TRIM71: variants seen among roughly 807,000 people sequenced by gnomAD.
The protein encoded by TRIM71 is tripartite motif containing 71.
A neutral mutation model predicts 61.2 loss-of-function variants in TRIM71; 9 were observed. The ratio of observed to expected loss-of-function variants is 0.15; its 90% CI spans 0.09 to 0.26. The LOEUF is 0.26. Ranked by LOEUF, TRIM71 falls within the 10% of genes least tolerant of loss-of-function variation. TRIM71 has a pLI of 1.00. For synonymous variants in TRIM71, 645 were observed against 553.2 expected, an observed-to-expected ratio of 1.17 and a Z score of -2.33; for missense variants, 998 against 1,238.7, an observed-to-expected ratio of 0.81 and a Z score of 2.92.
At chr3:32,823,690 T>G (rs368536803) in intron 1 of TRIM71, among the ~76,000 whole-genome samples, 3 of 145,262 alleles carry the variant, frequency 2.1e-5, no homozygotes, top group Non-Finnish European at 3.0e-5. Context: ...GAGGCGGAGG[T>G]TGCAGTGAGC....
chr3:32,845,534 G>A (rs1222184077), intron 1 of TRIM71, among the ~76,000 whole-genome samples: 1 of 152,130 alleles, frequency 6.6e-6, no homozygotes, highest in East Asian at 1.9e-4. Flanking sequence ...TACTCTGGGG[G>A]TTACTCACAG....
intron 1 of TRIM71, among the ~76,000 whole-genome samples, chr3:32,858,519 T>A (rs765249836): frequency 6.6e-6 from 1 of 152,176 alleles, no homozygotes; most frequent in Non-Finnish European, 1.5e-5. Context: ...AAGAGCTGTC[T>A]CTAAAACAGA....
chr3:32,833,184 T>TTA (rs1205034641), intron 1 of TRIM71, among the ~76,000 whole-genome samples: 4 of 54,428 alleles, frequency 7.3e-5, no homozygotes, highest in African/African-American at 2.7e-4. Context: ...ACTCTGTCTT[T>TTA]AAAAAAAAAA....
rs776918360 is a variant in TRIM71, at chr3:32,897,670, T to C, written c.*5859T>C. Reference sequence around the variant, plus strand: ...TAACAGGCTTCTGAATGTATCACTGTGGTCCACAGAGAAGGCTGGAGGAGG... The same window carrying C: ...TAACAGGCTTCTGAATGTATCACTGCGGTCCACAGAGAAGGCTGGAGGAGG... On this transcript the variant is annotated 3_prime_UTR_variant, in exon 4 of 4. Transcript: ENST00000383763. 5.3e-5 allele frequency: 8 copies of C among 152,240 alleles called. No homozygotes were observed. Among genetic ancestry groups the C allele is most frequent in the African/African-American group, 7.2e-5 (3 of 41,464 alleles). The allele number at this position is 152,240 out of a possible 1,614,324, so 9.4% of individuals were successfully genotyped here. A position where few individuals can be genotyped will look rare whatever the true frequency, so the allele number is the denominator to read the frequency against.
intron 1 of TRIM71, among the ~76,000 whole-genome samples, chr3:32,823,791 A>G (rs2125673755): frequency 6.7e-6 from 1 of 148,206 alleles, no homozygotes; most frequent in East Asian, 2.3e-4. Context: ...AATCTTCCTA[A>G]AAGTGTTTGA....
At chr3:32,834,083 G>C (rs936401883) in intron 1 of TRIM71, among the ~76,000 whole-genome samples, 6 of 152,170 alleles carry the variant, frequency 3.9e-5, no homozygotes, top group African/African-American at 1.4e-4. Context: ...AAAAACCACA[G>C]CTCTGTTCAG....
chr3:32,848,466 T>C (rs775816452), intron 1 of TRIM71, among the ~76,000 whole-genome samples: 3 of 152,174 alleles, frequency 2.0e-5, no homozygotes, highest in South Asian at 2.1e-4. Context: ...GGGGCCTGAA[T>C]CATCAGGGCA....
intron 2 of TRIM71, among the ~76,000 whole-genome samples, chr3:32,881,112 G>A (rs1696903187): frequency 6.6e-6 from 1 of 151,980 alleles, no homozygotes; most frequent in South Asian, 2.1e-4. Context: ...TCTGCCTCCC[G>A]GGTTCAAGTG....
rs1365785306 is a variant in TRIM71 at position 32,897,515 on chromosome 3, T to G, written c.*5704T>G. On this transcript the variant is annotated 3_prime_UTR_variant, in exon 4 of 4. Transcript: ENST00000383763. ...GAGTTTTTGTTTGGTTGATTTTGGGTTTTTTTCCCCCCTCCTCTTTTGGCT... is the reference window on the plus strand; with the variant it reads ...GAGTTTTTGTTTGGTTGATTTTGGGGTTTTTTCCCCCCTCCTCTTTTGGCT... 6.0e-5 allele frequency: 9 copies of G among 150,278 alleles called. No homozygotes were observed. The East Asian group carries it at 1.8e-3, about 31-fold the overall frequency. 9.3% of individuals were successfully genotyped at this position (150,278 alleles called of 1,614,324 possible).
At chr3:32,839,240 T>G (rs1033474453) in intron 1 of TRIM71, among the ~76,000 whole-genome samples, 6 of 151,890 alleles carry the variant, frequency 4.0e-5, no homozygotes, top group African/African-American at 1.5e-4. Flanking sequence ...TGACATGAGT[T>G]TTTTTTTGAG....
chr3:32,858,239 G>C (rs909205747), intron 1 of TRIM71, among the ~76,000 whole-genome samples: 1 of 152,086 alleles, frequency 6.6e-6, no homozygotes, highest in African/African-American at 2.4e-5. Flanking sequence ...TCTCTAGCAG[G>C]GGTATATTTT....
Position 32,891,336 on chromosome 3 carries a change from A to C in TRIM71, c.2132A>C (p.Glu711Ala), listed in dbSNP as rs780923095. The C allele has an allele frequency of 1.9e-6, 3 of 1,614,086 alleles. No individual in the cohort carries two copies. The South Asian group carries it at 3.3e-5, about 18-fold the overall frequency. ...CCTTGGGATGTGGCGGTGAATTCTG[A>C]GGGCAAGATCCTGGTCTCAGACACG... ...NYPWDVAVNS[E>A]GKILVSDTRN... Residue 711 changes from glutamate (E) to alanine (A), a missense_variant, in exon 4 of 4, where the codon GAG becomes GCG. By Grantham distance (107) the Glu-to-Ala change is moderately radical (BLOSUM62 -1). This residue lies in a region of TRIM71 where 83 missense variants were observed against 202.7 expected (regional missense o/e 0.41). Transcript: ENST00000383763. The surrounding 1 kb of genome is among the most constrained non-coding windows in gnomAD (Gnocchi z 8.2).
At chr3:32,840,799 T>C (rs1314110501) in intron 1 of TRIM71, among the ~76,000 whole-genome samples, 1 of 152,206 alleles carries the variant, frequency 6.6e-6, no homozygotes, top group Non-Finnish European at 1.5e-5. Flanking sequence ...GCCTTGCGAC[T>C]CTGCTGCTGG....
At chr3:32,862,766 A>G (rs1284408497) in intron 1 of TRIM71, among the ~76,000 whole-genome samples, 2 of 152,216 alleles carry the variant, frequency 1.3e-5, no homozygotes, top group African/African-American at 2.4e-5. Context: ...TGGGCCACTC[A>G]TTAATACATC....
At chr3:32,820,408 C>G in intron 1 of TRIM71, among the ~76,000 whole-genome samples, 1 of 152,188 alleles carries the variant, frequency 6.6e-6, no homozygotes, top group South Asian at 2.1e-4. Context: ...GGGCAGTTAT[C>G]TTTTTTTTCC....
In TRIM71 at chr3:32,821,352, G is replaced by C. The variant is rs531172928; in HGVS notation, c.852+2420G>C. Among the ~76,000 whole-genome samples the C allele has an allele frequency of 2.6e-5, 4 of 152,206 alleles. No homozygotes were observed. In the South Asian group the frequency reaches 8.3e-4, roughly 32 times the overall value. ...TCCACAGGCTCCGTTAAATAATTCA[G>C]AGTAGCACCTTTTCCTTATAGTGAC... On this transcript the variant is annotated intron_variant, in intron 1 of 3. Transcript: ENST00000383763.
intron 1 of TRIM71, among the ~76,000 whole-genome samples, chr3:32,850,440 A>G (rs1349576397): frequency 1.3e-5 from 2 of 152,140 alleles, no homozygotes; most frequent in Non-Finnish European, 1.5e-5. Context: ...GGGATATTGT[A>G]TGTCTTGACT....
chr3:32,891,843 T>C lies in TRIM71; in HGVS notation c.*32T>C. 1.3e-6 allele frequency: 2 copies of C among 1,591,660 alleles called. No homozygotes were observed. The highest frequency in any genetic ancestry group is 2.3e-5 in the East Asian group (1 of 43,272). ...TTCCTAGGTTTCTGTGTTTGGGGTG[T>C]GTGTGCGTGTCTCTCTCTCTCTCTC... On this transcript the variant is annotated 3_prime_UTR_variant, in exon 4 of 4. Transcript: ENST00000383763. The surrounding 1 kb of genome is among the most constrained non-coding windows in gnomAD (Gnocchi z 8.2).
In TRIM71 at chr3:32,897,410, T is replaced by C. The variant is rs1030837358; in HGVS notation, c.*5599T>C. ...CCATTTGCCACTTTTAAATGGGCAC[T>C]GCCGTGGTAATGTGAATCCCATCAA... On this transcript the variant is annotated 3_prime_UTR_variant, in exon 4 of 4. Coordinates refer to ENST00000383763, the MANE Select transcript of TRIM71 (RefSeq NM_001039111.3). 6.6e-6 allele frequency: 1 copy of C among 152,186 alleles called. No individual in the cohort carries two copies. The highest frequency in any genetic ancestry group is 1.9e-4 in the East Asian group (1 of 5,200). The allele number at this position is 152,186 out of a possible 1,614,324, so 9.4% of individuals were successfully genotyped here. A position where few individuals can be genotyped will look rare whatever the true frequency, so the allele number is the denominator to read the frequency against.
Sources: allele counts gnomAD v4.1 joint callset (sites outside exome capture counted in the v4.1 genomes callset), GRCh38; gene constraint gnomAD v4.1.1; regional missense constraint gnomAD v4.1.1; non-coding constraint Gnocchi (gnomAD v3.1); transcripts MANE v1.5; gene names NCBI Gene and HGNC (gene_info 2026-07-23, HGNC 2026-07-21).